The following PRC1 variants were observed in gnomAD, a reference collection of about 807,000 sequenced individuals.
PRC1 encodes protein regulator of cytokinesis 1.
In PRC1, 54 loss-of-function variants were observed where a neutral mutation model predicts 91.2. The ratio of observed to expected loss-of-function variants is 0.59; its 90% confidence interval spans 0.48 to 0.74. The LOEUF (loss-of-function observed/expected upper bound fraction) is 0.74, where lower values mean the gene tolerates loss of function less well. PRC1 is among the 30% of genes least tolerant of loss of function. The pLI is 0.00. For synonymous variants in PRC1, 275 were observed against 263.6 expected (o/e 1.04, Z -0.42); for missense variants, 727 against 746.2 (o/e 0.97, Z 0.30).
chr15:90,986,940 T>C (rs529828963), intron 1 of PRC1, among the ~76,000 whole-genome samples: 88 of 150,338 alleles, frequency 5.9e-4, no homozygotes, highest in Non-Finnish European at 1.3e-4. Flanking sequence ...GATATGCAAA[T>C]GTGTATCACT....
chr15:90,976,191 T>C (rs1390963582), intron 9 of PRC1, among the ~76,000 whole-genome samples: 1 of 152,038 alleles, frequency 6.6e-6, no homozygotes, highest in African/African-American at 2.4e-5. Context: ...TGGGTTCAAG[T>C]GATTCTCCTG....
chr15:90,973,682 G>A (rs551155086), intron 11 of PRC1, among the ~76,000 whole-genome samples: 44 of 152,120 alleles, frequency 2.9e-4, no homozygotes, highest in Admixed American at 1.4e-3. Flanking sequence ...ATACGCTGGC[G>A]GCAATGCTGC....
At chr15:90,976,277 C>G (rs990976127) in intron 9 of PRC1, among the ~76,000 whole-genome samples, 1 of 150,184 alleles carries the variant, frequency 6.7e-6, no homozygotes, top group South Asian at 2.1e-4. Flanking sequence ...TTAGTAGAGA[C>G]CAGGCTGGTC....
chr15:90,982,059 C>T (rs757255921), intron 3 of PRC1, 78 bp from the exon 4 acceptor site: 36 of 1,318,142 alleles, frequency 2.7e-5, no homozygotes, highest in South Asian at 1.3e-4. Context: ...CATAAGAAGG[C>T]GTGGATGACA....
intron 14 of PRC1, chr15:90,968,134 T>C: frequency 1.0e-6 from 1 of 985,442 alleles, no homozygotes; most frequent in South Asian, 4.7e-5. Flanking sequence ...TACCTAGGAC[T>C]AGCCACACAG....
At position 90,970,450 on chromosome 15, in the gene PRC1, G is replaced by A. The variant is rs1186552800; in HGVS notation, c.1526C>T (p.Thr509Ile). 7 of 1,613,652 alleles carry A rather than the reference G, an allele frequency of 4.3e-6. No individual in the cohort carries two copies. The African/African-American group carries it at 8.0e-5, about 18-fold the overall frequency. The stretch of plus-strand genomic sequence containing the variant: ...TCGAGACACGGGGGAGTGGTAGACT[G>A]TCCCTCCAAAGATAGGCCGAATGCT... ...NSSIRPIFGG[T>I]VYHSPVSRLP... The change falls in exon 12 of 15, where the codon ACA becomes ATA. Residue 509 changes from threonine to isoleucine, a missense_variant. By Grantham distance (89) the Thr-to-Ile change is moderately conservative. Coordinates refer to ENST00000394249, the MANE Select transcript of PRC1 (RefSeq NM_003981.4).
rs2037469920 is a variant in PRC1 at position 90,966,170 on chromosome 15, C to G, written c.*961G>C. The G allele has an allele frequency of 6.0e-6, 1 of 166,298 alleles. No individual in the cohort carries two copies. The highest frequency in any genetic ancestry group is 1.3e-5 in the Non-Finnish European group (1 of 76,394). The allele number at this position is 166,298 out of a possible 1,614,324, so 10.3% of individuals were successfully genotyped here. ...TCCACACTGGTAAGCTTTTGAGAACCATTTACACTATGTTGACAGTAGTAC... is the reference window on the plus strand; with the variant it reads ...TCCACACTGGTAAGCTTTTGAGAACGATTTACACTATGTTGACAGTAGTAC... On this transcript the variant is annotated 3_prime_UTR_variant, in exon 15 of 15. Transcript: ENST00000394249.
At chr15:90,978,453 T>C (rs2038912760) in intron 8 of PRC1, among the ~76,000 whole-genome samples, 1 of 151,998 alleles carries the variant, frequency 6.6e-6, no homozygotes, top group East Asian at 1.9e-4. Flanking sequence ...CACCACACTG[T>C]ATGACATGTG....
chr15:90,975,830 A>G (rs1187320464), intron 9 of PRC1, among the ~76,000 whole-genome samples: 1 of 152,254 alleles, frequency 6.6e-6, no homozygotes, highest in South Asian at 2.1e-4. Flanking sequence ...GCGGGGGGAA[A>G]AAAGAAAGAA....
At chr15:90,994,124 C>CT (rs569406604) in intron 1 of PRC1, among the ~76,000 whole-genome samples, 2,630 of 152,098 alleles carry the variant, frequency 0.017, 30 homozygotes, top group Middle Eastern at 0.051. Flanking sequence ...CTCGACTACC[C>CT]TGCCGCGTCC....
At chr15:90,970,267 C>T (rs2037994039) in intron 12 of PRC1, 137 bp downstream of exon 12, 2 of 691,712 alleles carry the variant, frequency 2.9e-6, no homozygotes, top group African/African-American at 3.6e-5. Context: ...GGTGAGCTAG[C>T]TTATATCTGT....
Position 90,974,292 on chromosome 15 carries a change from C to T in PRC1, c.1351-46G>A, listed in dbSNP as rs370847183. 1.4e-5 allele frequency: 22 copies of T among 1,529,584 alleles called. No individual in the cohort carries two copies. The highest frequency in any genetic ancestry group is 1.2e-4 in the African/African-American group (9 of 73,088). 94.8% of individuals were successfully genotyped at this position (1,529,584 alleles called of 1,614,324 possible). On this transcript the variant is annotated intron_variant, in intron 10 of 14. Coordinates refer to ENST00000394249, the MANE Select transcript of PRC1 (RefSeq NM_003981.4). This position sits in a 1 kb window ranked among gnomAD's most constrained non-coding sequence, Gnocchi z 4.6. ...ACAGTGATAAATCTCAGGAAGAGAG[C>T]GGGTCTGGGATGGCAACAGCAGCAG...
In PRC1 at chr15:90,980,899, G is replaced by T; in HGVS notation, c.807C>A (p.Ala269=). The stretch of plus-strand genomic sequence containing the variant: ...GGTTTCTTACCGCTTTCCGGACCTT[G>T]GCCTTTGACCCAGACATAATGGTGG... ...AVATIMSGSK[A]KVRKALQLEV... Residue 269 remains alanine (A), a synonymous_variant, in exon 6 of 15, where the codon GCC becomes GCA. Transcript: ENST00000394249. The T allele has an allele frequency of 6.2e-7, 1 of 1,614,150 alleles. No individual in the cohort carries two copies. The highest frequency in any genetic ancestry group is 1.1e-5 in the South Asian group (1 of 91,082).
intron 1 of PRC1, among the ~76,000 whole-genome samples, chr15:90,988,977 T>TA (rs2039779365): frequency 6.6e-6 from 1 of 152,002 alleles, no homozygotes; most frequent in South Asian, 2.1e-4. Context: ...TTTTTCTGAG[T>TA]AAAAAAATCT....
At position 90,994,486 on chromosome 15, in the gene PRC1, A is replaced by T. The variant is rs944230128; in HGVS notation, c.-69T>A. ...CCACACGGCCCCGAGAGCAACAACC[A>T]CCCGCAAACACCGGCGATGTCACTC... On this transcript the variant is annotated 5_prime_UTR_variant, in exon 1 of 15. Transcript: ENST00000394249. 3 of 1,542,808 alleles carry T rather than the reference A, an allele frequency of 1.9e-6. No homozygotes were observed. The African/African-American group carries it at 4.2e-5, about 22-fold the overall frequency.
In PRC1 at chr15:90,974,796, A is replaced by AT. The variant is rs561278417; in HGVS notation, c.1204-66dup. 245 of 1,578,832 alleles carry AT rather than the reference A, an allele frequency of 1.6e-4. 3 individuals carry two copies. The East Asian group carries it at 4.8e-3, about 31-fold the overall frequency. On this transcript the variant is annotated intron_variant, in intron 9 of 14. Transcript: ENST00000394249. The surrounding 1 kb of genome is among the most constrained non-coding windows in gnomAD (Gnocchi z 4.6). ...TTTAGTGCAAAGCCCAAATGAAATG[A>AT]TTTCCCTAGAGAGTGACTCCTCCTC...
intron 1 of PRC1, among the ~76,000 whole-genome samples, chr15:90,989,324 C>T (rs756090714): frequency 3.3e-5 from 5 of 151,774 alleles, no homozygotes; most frequent in South Asian, 2.1e-4. Context: ...CATAGCTCAA[C>T]GCAGCCTCAA....
chr15:90,983,402 T>C (rs928260236), intron 3 of PRC1, among the ~76,000 whole-genome samples: 17 of 152,326 alleles, frequency 1.1e-4, no homozygotes, highest in African/African-American at 4.1e-4. Context: ...CAGGACCCCA[T>C]CTGTTATTCA....
In PRC1 at chr15:90,984,936, A is replaced by G; in HGVS notation, c.12-111T>C. ...GCTTCTCAGTGGCCTCGAGAAAAAA[A>G]CAAATTGAAAACAAGCATTCAGCTT... On this transcript the variant is annotated intron_variant, in intron 1 of 14. Transcript: ENST00000394249. The surrounding 1 kb of genome is among the most constrained non-coding windows in gnomAD (Gnocchi z 5.1). 7.3e-7 allele frequency: 1 copy of G among 1,370,606 alleles called. No homozygotes were observed. Among genetic ancestry groups the G allele is most frequent in the Non-Finnish European group, 1.0e-6 (1 of 1,003,442 alleles). The allele number at this position is 1,370,606 out of a possible 1,614,324, so 84.9% of individuals were successfully genotyped here. A position where few individuals can be genotyped will look rare whatever the true frequency, so the allele number is the denominator to read the frequency against.
Sources: allele counts gnomAD v4.1 joint callset (sites outside exome capture counted in the v4.1 genomes callset), GRCh38; gene constraint gnomAD v4.1.1; non-coding constraint Gnocchi (gnomAD v3.1); transcripts MANE v1.5; gene names NCBI Gene and HGNC (gene_info 2026-07-23, HGNC 2026-07-21).